ANKFN1: variants seen among roughly 807,000 people sequenced by gnomAD.
The protein encoded by ANKFN1 is ankyrin repeat and fibronectin type-III domain-containing protein 1.
A neutral mutation model predicts 108.7 loss-of-function variants in ANKFN1; 74 were observed. That is an observed-to-expected ratio of 0.68 (90% CI 0.56 to 0.83). The LOEUF is 0.83. Among genes scored for constraint, ANKFN1 ranks in the 40% least tolerant of loss-of-function variants. The pLI is 0.00. For missense variants in ANKFN1, 1,505 were observed against 1,382.3 expected (o/e 1.09, Z -1.41); for synonymous variants, 547 against 516.2 (o/e 1.06, Z -0.81).
intron 3 of ANKFN1, among the ~76,000 whole-genome samples, chr17:56,295,120 C>A (rs1427534282): frequency 6.6e-6 from 1 of 152,156 alleles, no homozygotes; most frequent in Non-Finnish European, 1.5e-5. Context: ...TGGCTTTTAT[C>A]TGTAAATGAC....
intron 3 of ANKFN1, among the ~76,000 whole-genome samples, chr17:56,292,554 A>G (rs1189137220): frequency 6.6e-6 from 1 of 152,218 alleles, no homozygotes; most frequent in Non-Finnish European, 1.5e-5. Context: ...AGAGGCACAG[A>G]TGTCAGTATG....
chr17:56,235,196 G>T (rs898710298), intron 3 of ANKFN1, among the ~76,000 whole-genome samples: 1 of 151,874 alleles, frequency 6.6e-6, no homozygotes, highest in Non-Finnish European at 1.5e-5. Flanking sequence ...TTTAATGTTT[G>T]TTGTTGTTGT....
chr17:56,054,893 A>G (rs944174709), intron 4 of ANKFN1, among the ~76,000 whole-genome samples: 7 of 152,172 alleles, frequency 4.6e-5, no homozygotes, highest in African/African-American at 1.4e-4. Flanking sequence ...CTCAAAAACA[A>G]TAAAAATAAA....
At chr17:56,314,930 A>G (rs1349392340) in intron 3 of ANKFN1, among the ~76,000 whole-genome samples, 1 of 152,154 alleles carries the variant, frequency 6.6e-6, no homozygotes, top group African/African-American at 2.4e-5. Flanking sequence ...CATCACTCTA[A>G]TTCTGGAGTT....
intron 3 of ANKFN1, among the ~76,000 whole-genome samples, chr17:56,251,963 G>T (rs537766306): frequency 6.6e-6 from 1 of 152,310 alleles, no homozygotes; most frequent in Non-Finnish European, 1.5e-5. Context: ...ATGAATTGCA[G>T]AGATATCTGT....
intron 3 of ANKFN1, among the ~76,000 whole-genome samples, chr17:56,299,210 G>T (rs530542557): frequency 6.6e-6 from 1 of 152,268 alleles, no homozygotes; most frequent in Non-Finnish European, 1.5e-5. Flanking sequence ...TTTGTTTTTT[G>T]TTGTGGTGGC....
In ANKFN1 at chr17:56,495,313, GTCTC is replaced by G. The variant is rs150627971; in HGVS notation, c.2427+2981_2427+2984del. Reference sequence around the variant, plus strand: ...TCTCTCCCTTTATGTTGACTTTGTGGTCTCTCTCTCTCTCTCTCTCTCTCACTCA... The same window carrying G: ...TCTCTCCCTTTATGTTGACTTTGTGGTCTCTCTCTCTCTCTCTCTCACTCA... On this transcript the variant is annotated intron_variant, in intron 19 of 20. Coordinates refer to ENST00000682825, the MANE Select transcript of ANKFN1 (RefSeq NM_001370326.1). Among the ~76,000 whole-genome samples, 292 of 147,584 alleles carry G rather than the reference GTCTC, an allele frequency of 2.0e-3. 4 individuals are homozygous for G. Among genetic ancestry groups the G allele is most frequent in the Admixed American group, 0.012 (176 of 14,810 alleles).
At chr17:56,134,017 G>A (rs1026809121) in intron 4 of ANKFN1, among the ~76,000 whole-genome samples, 1 of 152,138 alleles carries the variant, frequency 6.6e-6, no homozygotes, top group Non-Finnish European at 1.5e-5. Flanking sequence ...GTAGTAGGAT[G>A]TTACCTATAC....
intron 3 of ANKFN1, among the ~76,000 whole-genome samples, chr17:56,262,394 A>G (rs1026828273): frequency 6.6e-6 from 1 of 152,240 alleles, no homozygotes; most frequent in African/African-American, 2.4e-5. Context: ...AATTAAGTAT[A>G]TGTCGTCAAG....
intron 8 of ANKFN1, among the ~76,000 whole-genome samples, chr17:56,386,671 G>A (rs1006613608): frequency 3.5e-5 from 5 of 142,596 alleles, no homozygotes; most frequent in African/African-American, 1.3e-4. Context: ...TCACTTGTTC[G>A]ACAAGAATCA....
chr17:56,090,024 A>G (rs1905383173), intron 4 of ANKFN1, among the ~76,000 whole-genome samples: 1 of 151,456 alleles, frequency 6.6e-6, no homozygotes, highest in Non-Finnish European at 1.5e-5. Context: ...GATATCAGGG[A>G]AAGATTTGTG....
At chr17:56,356,912 C>T (rs1465725715) in intron 6 of ANKFN1, among the ~76,000 whole-genome samples, 1 of 152,160 alleles carries the variant, frequency 6.6e-6, no homozygotes, top group African/African-American at 2.4e-5. Context: ...TGCGACACTA[C>T]AAAAAACTCT....
intron 4 of ANKFN1, among the ~76,000 whole-genome samples, chr17:56,349,190 A>G (rs551406412): frequency 1.8e-4 from 27 of 152,202 alleles, no homozygotes; most frequent in Admixed American, 6.5e-4. Flanking sequence ...GAACACATGG[A>G]CACATGGCGA....
chr17:56,178,948 G>A (rs61345597), intron 1 of ANKFN1, among the ~76,000 whole-genome samples: 6,531 of 152,112 alleles, frequency 0.043, 474 homozygotes, highest in African/African-American at 0.15. Flanking sequence ...CTCCAATTAA[G>A]TTCATTATTT....
chr17:56,445,321 G>A (rs1040192162), intron 10 of ANKFN1, among the ~76,000 whole-genome samples: 1 of 152,190 alleles, frequency 6.6e-6, no homozygotes, highest in African/African-American at 2.4e-5. Context: ...AAGATCAGAG[G>A]TTCAGTTTCC....
intron 3 of ANKFN1, among the ~76,000 whole-genome samples, chr17:56,256,725 G>A (rs2043367412): frequency 6.6e-6 from 1 of 152,072 alleles, no homozygotes; most frequent in Non-Finnish European, 1.5e-5. Flanking sequence ...TCTACAGAGT[G>A]GCTAATATCC....
At chr17:56,414,273 C>G (rs1315291735) in intron 8 of ANKFN1, among the ~76,000 whole-genome samples, 1 of 152,130 alleles carries the variant, frequency 6.6e-6, no homozygotes, top group African/African-American at 2.4e-5. Flanking sequence ...GGTGCCAGCT[C>G]TTCTTTGTAC....
At chr17:56,310,356 G>A (rs1869448971) in intron 3 of ANKFN1, among the ~76,000 whole-genome samples, 1 of 152,154 alleles carries the variant, frequency 6.6e-6, no homozygotes, top group African/African-American at 2.4e-5. Flanking sequence ...AGTGGCTCAC[G>A]CCTGTAATCC....
intron 4 of ANKFN1, among the ~76,000 whole-genome samples, chr17:56,052,102 G>T (rs191039253): frequency 2.0e-5 from 3 of 151,706 alleles, no homozygotes; most frequent in East Asian, 1.9e-4. Context: ...AAAAGAGCCC[G>T]CATTGCCAAG....
Sources: gnomAD v4.1 joint callset for allele counts (sites outside exome capture counted in the v4.1 genomes callset) on GRCh38, gnomAD v4.1.1 for gene constraint, MANE v1.5 for transcripts, NCBI Gene and HGNC (gene_info 2026-07-23, HGNC 2026-07-21) for gene names.